PLXNB3: variants seen among roughly 807,000 people sequenced by gnomAD.
The protein encoded by PLXNB3 is plexin B3.
PLXNB3 carries 80 observed loss-of-function variants against 125.7 expected under a neutral mutation model. The observed-to-expected ratio is 0.64, with a 90% CI of 0.53 to 0.77. The LOEUF (loss-of-function observed/expected upper bound fraction) is 0.77. PLXNB3 is among the 30% of genes least tolerant of loss of function. PLXNB3 has a pLI of 0.00. For missense variants in PLXNB3, 1,836 were observed against 1,729.3 expected, an observed-to-expected ratio of 1.06 and a Z score of -1.09; for synonymous variants, 954 against 783.3, an observed-to-expected ratio of 1.22 and a Z score of -3.64.
intron 2 of PLXNB3, 122 bp from the exon 3 acceptor site, chrX:153,766,751 C>T: frequency 9.3e-7 from 1 of 1,080,213 alleles, no homozygotes; most frequent in South Asian, 2.4e-5. Context: ...CATTCTCCAT[C>T]TCTCTGCCTC....
rs1429819206 is a variant in PLXNB3, at chrX:153,777,239, G to A, written c.4959G>A (p.Gly1653=). The A allele has an allele frequency of 1.1e-5, 13 of 1,174,255 alleles. No homozygotes were observed. Among genetic ancestry groups the A allele is most frequent in the Non-Finnish European group, 1.4e-5 (12 of 875,195 alleles). ...CCACGCTGGAGGATGGCGAGGAGGG[G>A]GGGGTGTGCCTCTGGCACCTGGTGA... The part of the protein sequence containing the change: ...NIPTLEDGEE[G]GVCLWHLVKA... Residue 1653 remains glycine, a synonymous_variant, in exon 30 of 36, where the codon GGG becomes GGA. Transcript: ENST00000361971.
At chrX:153,768,217 C>G in intron 3 of PLXNB3, 32 bp from the exon 4 acceptor site, 2 of 1,161,400 alleles carry the variant, frequency 1.7e-6, no homozygotes, top group Non-Finnish European at 2.3e-6. Flanking sequence ...TGCTCTCTTC[C>G]GGGGGCTGAT....
rs868907205 is a variant in PLXNB3, at chrX:153,768,253, C to A, written c.1091C>A (p.Ser364Tyr). Residue 364 changes from serine to tyrosine, a missense_variant, in exon 4 of 36, where the codon TCC becomes TAC. Coordinates refer to ENST00000361971, the MANE Select transcript of PLXNB3 (RefSeq NM_005393.3). The part of the protein sequence containing the change: ...TSRCVTLPLD[S>Y]PESYPCGDEH... ...TCTCCACTTCCTGCCACGTAGGATTCCCCCGAGTCGTACCCCTGTGGCGAC... is the reference window on the plus strand; with the variant it reads ...TCTCCACTTCCTGCCACGTAGGATTACCCCGAGTCGTACCCCTGTGGCGAC... 1.7e-6 allele frequency: 2 copies of A among 1,184,459 alleles called. No homozygotes were observed. Among genetic ancestry groups the A allele is most frequent in the Non-Finnish European group, 2.3e-6 (2 of 876,742 alleles).
Position 153,773,307 on chromosome X carries a change from T to C in PLXNB3, c.2984T>C (p.Val995Ala). The C allele has an allele frequency of 1.7e-6, 2 of 1,210,298 alleles. No individual in the cohort carries two copies. Among genetic ancestry groups the C allele is most frequent in the Non-Finnish European group, 2.2e-6 (2 of 895,054 alleles). The change falls in exon 18 of 36, where the codon GTG (valine) becomes GCG (alanine). Residue 995 changes from valine (V) to alanine (A), a missense_variant. Transcript: ENST00000361971. Reference protein sequence around the residue: ...QAAPGEAAVLVVFGHAQRTLL... With the variant: ...QAAPGEAAVLAVFGHAQRTLL... The stretch of plus-strand genomic sequence containing the variant: ...GCCCCAGGAGAAGCAGCGGTCCTTG[T>C]GGTCTTTGGCCATGCCCAGCGCACA...
rs181071909 is a variant in PLXNB3, at chrX:153,773,535, G to T, written c.3101G>T (p.Arg1034Leu). The change falls in exon 19 of 36, where the codon CGT becomes CTT. Residue 1034 changes from arginine (R) to leucine (L), a missense_variant. Physicochemically the swap from Arg to Leu is moderately radical, Grantham distance 102. Transcript: ENST00000361971. ...TGGTACAGGGGTGGGCGACTGATCC[G>T]TGTCAGGGGCACCGGCCTAGACGTG... ...ASFRGGGRLI[R>L]VRGTGLDVVQ... is the part of the protein sequence containing the mutation. 4 of 1,200,352 alleles carry T rather than the reference G, an allele frequency of 3.3e-6. No individual in the cohort carries two copies. The South Asian group carries it at 5.4e-5, about 16-fold the overall frequency.
chrX:153,765,931 C>A, intron 2 of PLXNB3: 10 of 754,436 alleles, frequency 1.3e-5, no homozygotes, highest in Non-Finnish European at 1.6e-5. Flanking sequence ...CGGGGTCCCA[C>A]CAGGCACACC....
intron 16 of PLXNB3, 67 bp downstream of exon 16, chrX:153,772,354 C>T (rs2091940754): frequency 2.6e-6 from 2 of 773,572 alleles, no homozygotes; most frequent in Non-Finnish European, 3.9e-6. Context: ...AGGACAGGCG[C>T]CTAGTAAGGA....
At position 153,773,242 on chromosome X, in the gene PLXNB3, G is replaced by A; in HGVS notation, c.2919G>A (p.Val973=). Reference sequence around the variant, plus strand: ...ACCCATCCTGCAGCCTGGAGCCAGTGTGTCCGGAGGCCATCGTGTGCCGTA... The same window carrying A: ...ACCCATCCTGCAGCCTGGAGCCAGTATGTCCGGAGGCCATCGTGTGCCGTA... ...GGQPCPILEP[V]CPEAIVCRTR... The change falls in exon 18 of 36, where the codon GTG becomes GTA. Residue 973 remains valine (V), a synonymous_variant. Transcript: ENST00000361971. 8.3e-7 allele frequency: 1 copy of A among 1,205,541 alleles called. No individual in the cohort carries two copies. Among genetic ancestry groups the A allele is most frequent in the Admixed American group, 2.2e-5 (1 of 45,557 alleles).
At position 153,774,876 on chromosome X, in the gene PLXNB3, G is replaced by A. The variant is rs373852538; in HGVS notation, c.3932-4G>A. ...TCACACCTCGGCGCCTCCTGGCCCC[G>A]CAGACCTCATGACGGAGATGACCGA... On this transcript the variant is annotated splice_polypyrimidine_tract_variant and splice_region_variant and intron_variant, in intron 23 of 35. Coordinates refer to ENST00000361971, the MANE Select transcript of PLXNB3 (RefSeq NM_005393.3). The A allele has an allele frequency of 3.5e-5, 42 of 1,201,123 alleles. No individual in the cohort carries two copies. In the East Asian group the frequency reaches 4.5e-4, roughly 13 times the overall value.
intron 15 of PLXNB3, 75 bp downstream of exon 15, chrX:153,772,090 G>A: frequency 8.7e-7 from 1 of 1,151,618 alleles, no homozygotes; most frequent in Non-Finnish European, 1.2e-6. Flanking sequence ...AAGGCCTGTG[G>A]CCAAGAAACC....
chrX:153,769,712 GC>G, intron 6 of PLXNB3, 94 bp from the exon 7 acceptor site: 1 of 931,694 alleles, frequency 1.1e-6, no homozygotes, highest in East Asian at 3.4e-5. Flanking sequence ...GCACCCCACT[GC>G]ACTCCAGCTG....
At chrX:153,778,137 G>A (rs200125188) in intron 32 of PLXNB3, 42 bp downstream of exon 32, 9 of 1,208,168 alleles carry the variant, frequency 7.4e-6, no homozygotes, top group South Asian at 3.5e-5. Flanking sequence ...GGGGCTTGAG[G>A]AGGAAAGGCT....
In PLXNB3 at chrX:153,767,891, C is replaced by T; in HGVS notation, c.1064C>T (p.Ser355Leu). The change falls in exon 3 of 36, where the codon TCG (serine) becomes TTG (leucine). Residue 355 changes from serine (S) to leucine (L), a missense_variant. By Grantham distance (145) the Ser-to-Leu change is moderately radical (BLOSUM62 -2). Coordinates refer to ENST00000361971, the MANE Select transcript of PLXNB3 (RefSeq NM_005393.3). ...GCCACCGTGGAGTACGGCGTCACGTCGCGCTGCGTCACCCTGCCCCTTGTG... is the reference window on the plus strand; with the variant it reads ...GCCACCGTGGAGTACGGCGTCACGTTGCGCTGCGTCACCCTGCCCCTTGTG... Reference protein sequence around the residue: ...EEATVEYGVTSRCVTLPLDSP... With the variant: ...EEATVEYGVTLRCVTLPLDSP... 6 of 1,101,750 alleles carry T rather than the reference C, an allele frequency of 5.4e-6. No individual in the cohort carries two copies. The highest frequency in any genetic ancestry group is 2.2e-5 in the South Asian group (1 of 44,604). The allele number at this position is 1,101,750 out of a possible 1,213,427, so 90.8% of individuals were successfully genotyped here. A position where few individuals can be genotyped will look rare whatever the true frequency, so the allele number is the denominator to read the frequency against.
At position 153,772,001 on chromosome X, in the gene PLXNB3, C is replaced by A; in HGVS notation, c.2655C>A (p.Tyr885Ter). The part of the protein sequence containing the change: ...SRPCNPEPSL[Y>*]RTSARIVCVT... ...CCTGCAACCCTGAGCCCTCTCTCTA[C>A]CGCACGTCGGCCCGGTGAGGCACTT... The change falls in exon 15 of 36, where the codon TAC becomes TAA. Residue 885 changes from tyrosine to a stop codon, truncating the protein, a stop_gained. Transcript: ENST00000361971. LOFTEE classifies it high-confidence loss of function. The A allele has an allele frequency of 8.4e-7, 1 of 1,195,401 alleles. No homozygotes were observed. Among genetic ancestry groups the A allele is most frequent in the Non-Finnish European group, 1.1e-6 (1 of 886,140 alleles).
chrX:153,767,288 A>G lies in PLXNB3; in HGVS notation c.461A>G (p.Gln154Arg). 1 of 1,206,412 alleles carries G rather than the reference A, an allele frequency of 8.3e-7. No homozygotes were observed. Among genetic ancestry groups the G allele is most frequent in the Non-Finnish European group, 1.1e-6 (1 of 893,037 alleles). The change falls in exon 3 of 36, where the codon CAG (glutamine) becomes CGG (arginine). Residue 154 changes from glutamine to arginine, a missense_variant. Gln to Arg is a conservative substitution (Grantham distance 43). Transcript: ENST00000361971. Reference sequence around the variant, plus strand: ...GGGGATGTGGCCGAGGTGCTGTACCAGGCTGAGGACCCTGGTGACGGGCAG... The same window carrying G: ...GGGGATGTGGCCGAGGTGCTGTACCGGGCTGAGGACCCTGGTGACGGGCAG... Reference protein sequence around the residue: ...RLGDVAEVLYQAEDPGDGQFV... With the variant: ...RLGDVAEVLYRAEDPGDGQFV...
At chrX:153,766,061 C>A (rs2091853695) in intron 2 of PLXNB3, 1 of 1,059,101 alleles carries the variant, frequency 9.4e-7, no homozygotes, top group South Asian at 2.7e-5. Flanking sequence ...TGTGCCAGGC[C>A]CTGAGAGACC....
At chrX:153,768,888 T>C (rs1052709946) in intron 4 of PLXNB3, 60 bp from the exon 5 acceptor site, 4 of 1,162,149 alleles carry the variant, frequency 3.4e-6, no homozygotes, top group African/African-American at 1.8e-5. Flanking sequence ...GGAGGGCGTG[T>C]CCCTGGAACA....
At position 153,773,214 on chromosome X, in the gene PLXNB3, A is replaced by G; in HGVS notation, c.2907-16A>G. On this transcript the variant is annotated splice_polypyrimidine_tract_variant and intron_variant, in intron 17 of 35. Coordinates refer to ENST00000361971, the MANE Select transcript of PLXNB3 (RefSeq NM_005393.3). ...TGGTAGAGCCGAGATGAGAGACCCC[A>G]CTACCCATCCTGCAGCCTGGAGCCA... 1 of 1,191,191 alleles carries G rather than the reference A, an allele frequency of 8.4e-7. No homozygotes were observed.
intron 6 of PLXNB3, among the ~76,000 whole-genome samples, chrX:153,769,530 G>C (rs940359151): frequency 8.9e-6 from 1 of 112,842 alleles, no homozygotes; most frequent in Non-Finnish European, 1.9e-5. Context: ...CCTCCAGCCG[G>C]TGCTCCACAC....
Sources: gnomAD v4.1 joint callset for allele counts (sites outside exome capture counted in the v4.1 genomes callset) on GRCh38, gnomAD v4.1.1 for gene constraint, MANE v1.5 for transcripts, NCBI Gene and HGNC (gene_info 2026-07-23, HGNC 2026-07-21) for gene names.